Variants in EFCAB11 observed in about 807,000 individuals in gnomAD.
EFCAB11 encodes the protein EF-hand calcium binding domain 11, also known as EF-hand calcium-binding domain-containing protein 11.
EFCAB11 carries 14 observed loss-of-function variants against 23.0 expected under a neutral mutation model. The observed-to-expected ratio is 0.61, with a 90% CI of 0.40 to 0.95. The LOEUF is 0.95. EFCAB11 is among the 40% of genes least tolerant of loss of function. EFCAB11 has a pLI of 0.00. For synonymous variants in EFCAB11, 65 were observed against 66.6 expected (o/e 0.98, Z 0.11); for missense variants, 198 against 195.8 (o/e 1.01, Z -0.07).
At chr14:89,820,588 T>A (rs1250142147) in intron 5 of EFCAB11, among the ~76,000 whole-genome samples, 8 of 151,848 alleles carry the variant, frequency 5.3e-5, no homozygotes. Context: ...GTTAGAAGAC[T>A]CCCACTCGGC....
chr14:89,835,628 G>GTGTGTA (rs1887051354), intron 5 of EFCAB11, among the ~76,000 whole-genome samples: 1 of 149,864 alleles, frequency 6.7e-6, no homozygotes, highest in African/African-American at 2.5e-5. Context: ...GTGTGTGTGT[G>GTGTGTA]TGTGTGTGTG....
intron 5 of EFCAB11, among the ~76,000 whole-genome samples, chr14:89,877,198 C>T (rs553720978): frequency 1.1e-4 from 17 of 152,154 alleles, no homozygotes; most frequent in Middle Eastern, 3.4e-3. Context: ...TGCCACCACA[C>T]CTGGCTAATT....
chr14:89,918,021 T>C (rs1889904999), intron 5 of EFCAB11, among the ~76,000 whole-genome samples: 2 of 151,974 alleles, frequency 1.3e-5, no homozygotes, highest in African/African-American at 4.8e-5. Context: ...CTGGCAACAA[T>C]GAACCCTGAG....
intron 5 of EFCAB11, among the ~76,000 whole-genome samples, chr14:89,907,371 G>A (rs1889531242): frequency 6.6e-6 from 1 of 152,074 alleles, no homozygotes; most frequent in Non-Finnish European, 1.5e-5. Flanking sequence ...AGATGTTTTT[G>A]GCCATTAACA....
chr14:89,863,108 G>GA (rs200744670), intron 5 of EFCAB11, among the ~76,000 whole-genome samples: 42 of 145,598 alleles, frequency 2.9e-4, no homozygotes, highest in Middle Eastern at 3.5e-3. Context: ...AGACTTAGTA[G>GA]AAAAAAAAAA....
chr14:89,808,570 T>C (rs1886050146), intron 5 of EFCAB11, among the ~76,000 whole-genome samples: 1 of 152,232 alleles, frequency 6.6e-6, no homozygotes, highest in Non-Finnish European at 1.5e-5. Flanking sequence ...ACTGAGCCAC[T>C]AGGAAATTTG....
At chr14:89,884,672 A>T (rs1888698946) in intron 5 of EFCAB11, among the ~76,000 whole-genome samples, 1 of 152,286 alleles carries the variant, frequency 6.6e-6, no homozygotes, top group Non-Finnish European at 1.5e-5. Context: ...ATATACTATT[A>T]CAATTACTAA....
At chr14:89,928,705 AATT>A (rs1174030910) in intron 5 of EFCAB11, among the ~76,000 whole-genome samples, 2 of 147,908 alleles carry the variant, frequency 1.4e-5, no homozygotes, top group Non-Finnish European at 1.5e-5. Context: ...TCATATATAC[AATT>A]ATTAATAATA....
chr14:89,814,157 C>T (rs1260948049), intron 5 of EFCAB11, among the ~76,000 whole-genome samples: 1 of 151,168 alleles, frequency 6.6e-6, no homozygotes, highest in Admixed American at 6.6e-5. Context: ...TTCAGCGCTA[C>T]AACCTCTAGA....
chr14:89,891,355 G>A (rs1222103091), intron 5 of EFCAB11, among the ~76,000 whole-genome samples: 2 of 152,134 alleles, frequency 1.3e-5, no homozygotes, highest in African/African-American at 4.8e-5. Flanking sequence ...ACTATAAGAT[G>A]TAACAGAGGA....
At chr14:89,917,963 G>A (rs1437924645) in intron 5 of EFCAB11, among the ~76,000 whole-genome samples, 1 of 152,176 alleles carries the variant, frequency 6.6e-6, no homozygotes, top group African/African-American at 2.4e-5. Context: ...GGGGAAGAGC[G>A]AGAATCGAGG....
At chr14:89,801,811 TGGTGAAACCCCGTC>T (rs1330309142) in intron 5 of EFCAB11, among the ~76,000 whole-genome samples, 3 of 152,048 alleles carry the variant, frequency 2.0e-5, no homozygotes, top group Non-Finnish European at 4.4e-5. Flanking sequence ...CTGGGCAACA[TGGTGAAACCCCGTC>T]TCTACTAAAA....
chr14:89,908,457 T>A (rs1232476254), intron 5 of EFCAB11, among the ~76,000 whole-genome samples: 1 of 152,214 alleles, frequency 6.6e-6, no homozygotes, highest in Non-Finnish European at 1.5e-5. Flanking sequence ...ATTCCATACA[T>A]AAGTATTTAA....
At chr14:89,847,662 C>G (rs1887472425) in intron 5 of EFCAB11, among the ~76,000 whole-genome samples, 1 of 147,470 alleles carries the variant, frequency 6.8e-6, no homozygotes, top group African/African-American at 2.5e-5. Flanking sequence ...TCGCTTGAAC[C>G]TGGGAGGTGG....
intron 3 of EFCAB11, among the ~76,000 whole-genome samples, chr14:89,948,524 C>G (rs1200023435): frequency 6.6e-6 from 1 of 152,324 alleles, no homozygotes; most frequent in Middle Eastern, 3.4e-3. Context: ...TGGAAGATAT[C>G]TGCATTCTCA....
At chr14:89,954,530 G>A (rs1891368558) in intron 1 of EFCAB11, 56 bp downstream of exon 1, 2 of 1,600,248 alleles carry the variant, frequency 1.2e-6, no homozygotes, top group East Asian at 2.3e-5. Context: ...GGGAGAGGAA[G>A]CGAGAGGCCC....
intron 5 of EFCAB11, among the ~76,000 whole-genome samples, chr14:89,800,187 G>GCAAA (rs1885728013): frequency 1.0e-5 from 1 of 98,564 alleles, no homozygotes; most frequent in Non-Finnish European, 2.1e-5. Flanking sequence ...ACTCAATCTC[G>GCAAA]TAAACAAACA....
intron 5 of EFCAB11, among the ~76,000 whole-genome samples, chr14:89,825,680 T>A (rs749404076): frequency 6.6e-6 from 1 of 152,128 alleles, no homozygotes; most frequent in Non-Finnish European, 1.5e-5. Flanking sequence ...AAATAGTATA[T>A]GTAATTTGTG....
At chr14:89,861,317 T>C (rs1887912268) in intron 5 of EFCAB11, among the ~76,000 whole-genome samples, 1 of 152,250 alleles carries the variant, frequency 6.6e-6, no homozygotes, top group Non-Finnish European at 1.5e-5. Context: ...AATAAGCTAC[T>C]GAGGCTACCT....
Sources: gnomAD v4.1 joint callset for allele counts (sites outside exome capture counted in the v4.1 genomes callset) on GRCh38, gnomAD v4.1.1 for gene constraint, MANE v1.5 for transcripts, NCBI Gene and HGNC (gene_info 2026-07-23, HGNC 2026-07-21) for gene names.